G2E3: variants seen among roughly 807,000 people sequenced by gnomAD.
The protein encoded by G2E3 is G2/M-phase specific E3 ubiquitin protein ligase, also known as G2/M phase-specific E3 ubiquitin-protein ligase.
G2E3 carries 35 observed loss-of-function variants against 92.8 expected under a neutral mutation model. The observed-to-expected ratio is 0.38, with a 90% CI of 0.29 to 0.50. The LOEUF is 0.50. G2E3 is among the 20% of genes least tolerant of loss of function. G2E3 has a pLI of 0.94. For synonymous variants in G2E3, 242 were observed against 272.4 expected (o/e 0.89, Z 1.10); for missense variants, 554 against 823.8 (o/e 0.67, Z 4.01).
At chr14:30,607,859 A>T in intron 11 of G2E3, 29 bp from the exon 12 acceptor site, 1 of 1,237,154 alleles carries the variant, frequency 8.1e-7, no homozygotes, top group Non-Finnish European at 1.2e-6. Context: ...ATAGAAGTGT[A>T]TTTGATATAT....
intron 1 of G2E3, among the ~76,000 whole-genome samples, chr14:30,563,048 C>T (rs1412252539): frequency 6.6e-6 from 1 of 151,944 alleles, no homozygotes; most frequent in East Asian, 1.9e-4. Flanking sequence ...GCCCAGCTGT[C>T]TTTTCTTTTA....
intron 1 of G2E3, among the ~76,000 whole-genome samples, chr14:30,564,455 C>T (rs1374447994): frequency 6.6e-6 from 1 of 152,160 alleles, no homozygotes; most frequent in African/African-American, 2.4e-5. Context: ...ACCTCAGCTT[C>T]CCAGGCAGCT....
intron 1 of G2E3, among the ~76,000 whole-genome samples, chr14:30,562,423 G>A (rs1031763667): frequency 6.6e-6 from 1 of 152,176 alleles, no homozygotes; most frequent in African/African-American, 2.4e-5. Context: ...AGTGAGAAGT[G>A]ACCAGAAGAC....
At chr14:30,595,139 A>T (rs1403432883) in intron 6 of G2E3, among the ~76,000 whole-genome samples, 1 of 151,846 alleles carries the variant, frequency 6.6e-6, no homozygotes, top group African/African-American at 2.4e-5. Flanking sequence ...TTCTGTCTTT[A>T]AAAAAAATGC....
Position 30,598,602 on chromosome 14 carries a change from A to G in G2E3, c.752+3A>G. ...CGAGACTATAATGCACCTGATAGGT[A>G]TTTCTGAAAGTTCAGTTGTGCTTAG... On this transcript the variant is annotated splice_donor_region_variant and intron_variant, in intron 8 of 14. Transcript: ENST00000206595. 1 of 1,566,636 alleles carries G rather than the reference A, an allele frequency of 6.4e-7. No homozygotes were observed. The highest frequency in any genetic ancestry group is 8.8e-7 in the Non-Finnish European group (1 of 1,136,678).
intron 2 of G2E3, among the ~76,000 whole-genome samples, chr14:30,583,459 T>G (rs1880540722): frequency 6.6e-6 from 1 of 152,100 alleles, no homozygotes; most frequent in African/African-American, 2.4e-5. Context: ...CTCCCTTATG[T>G]GTGGAATATA....
chr14:30,562,312 T>A (rs189351440), intron 1 of G2E3, among the ~76,000 whole-genome samples: 1 of 152,212 alleles, frequency 6.6e-6, no homozygotes, highest in East Asian at 1.9e-4. Flanking sequence ...AATCATTAGT[T>A]TGTAGCAATT....
At chr14:30,569,796 A>T (rs1407615178) in intron 1 of G2E3, among the ~76,000 whole-genome samples, 21 of 152,142 alleles carry the variant, frequency 1.4e-4, no homozygotes, top group Admixed American at 1.4e-3. Context: ...AGATTTATAT[A>T]ATCCAACCAA....
rs560630988 is a variant in G2E3, at chr14:30,566,295, T to G, written c.-5+7023T>G. Reference sequence around the variant, plus strand: ...TTCCTGCAAAAAAAGGCCATCGGGATTTTGACAGGAATTGTATCAAATCCA... The same window carrying G: ...TTCCTGCAAAAAAAGGCCATCGGGAGTTTGACAGGAATTGTATCAAATCCA... On this transcript the variant is annotated intron_variant, in intron 1 of 14. Coordinates refer to ENST00000206595, the MANE Select transcript of G2E3 (RefSeq NM_017769.5). 3.9e-5 allele frequency among the ~76,000 whole-genome samples: 6 copies of G among 152,296 alleles called. No homozygotes were observed. In the South Asian group the frequency reaches 1.2e-3, roughly 32 times the overall value.
Position 30,586,796 on chromosome 14 carries a change from C to A in G2E3, c.116C>A (p.Thr39Asn). The A allele has an allele frequency of 1.6e-6, 2 of 1,244,658 alleles. No homozygotes were observed. Among genetic ancestry groups the A allele is most frequent in the South Asian group, 1.5e-5 (1 of 67,636 alleles). The allele number at this position is 1,244,658 out of a possible 1,614,324, so 77.1% of individuals were successfully genotyped here. A position where few individuals can be genotyped will look rare whatever the true frequency, so the allele number is the denominator to read the frequency against. The part of the protein sequence containing the change: ...EKKTKEKWNL[T>N]VHYYCLLMSS... ...AAAACTAAGGAGAAATGGAATCTCA[C>A]TGTACATTACTACTGTTTGGTGAGT... The change falls in exon 3 of 15, where the codon ACT becomes AAT. Residue 39 changes from threonine to asparagine, a missense_variant. This residue lies in a region of G2E3 where 137 missense variants were observed against 201.3 expected (regional missense o/e 0.68). Coordinates refer to ENST00000206595, the MANE Select transcript of G2E3 (RefSeq NM_017769.5).
chr14:30,569,024 G>A (rs1879603094), intron 1 of G2E3, among the ~76,000 whole-genome samples: 1 of 152,074 alleles, frequency 6.6e-6, no homozygotes, highest in Admixed American at 6.6e-5. Flanking sequence ...AGCCATTCTT[G>A]TCTGTCTCCT....
At chr14:30,586,858 A>T in intron 3 of G2E3, 43 bp downstream of exon 3, 2 of 641,054 alleles carry the variant, frequency 3.1e-6, no homozygotes, top group Non-Finnish European at 5.2e-6. Flanking sequence ...TTGGTGTTCT[A>T]AAGAAGATAG....
At chr14:30,602,351 ACGTGGG>A (rs1401816749) in intron 10 of G2E3, among the ~76,000 whole-genome samples, 1 of 46,378 alleles carries the variant, frequency 2.2e-5, no homozygotes, top group African/African-American at 5.1e-4. Flanking sequence ...ACTGCATCAT[ACGTGGG>A]AAAAGTGTAT....
chr14:30,589,955 G>C (rs1237611779), intron 4 of G2E3, among the ~76,000 whole-genome samples: 1 of 152,004 alleles, frequency 6.6e-6, no homozygotes, highest in East Asian at 1.9e-4. Context: ...CATATCTCCT[G>C]ACCCTTCTCT....
intron 1 of G2E3, among the ~76,000 whole-genome samples, chr14:30,566,887 C>T (rs1358851731): frequency 6.6e-6 from 1 of 152,140 alleles, no homozygotes; most frequent in East Asian, 1.9e-4. Context: ...GTGTTTTTAT[C>T]ATCAATGAGT....
chr14:30,612,163 A>G (rs759287819), intron 12 of G2E3, 44 bp from the exon 13 acceptor site: 11 of 1,427,896 alleles, frequency 7.7e-6, no homozygotes, highest in Non-Finnish European at 9.8e-6. Context: ...CATGTCACTC[A>G]AAAGTAAATG....
intron 1 of G2E3, among the ~76,000 whole-genome samples, chr14:30,579,433 A>C (rs902177389): frequency 3.3e-5 from 5 of 152,206 alleles, no homozygotes; most frequent in African/African-American, 1.2e-4. Context: ...AAAGCACAGA[A>C]ATATATATGA....
At chr14:30,599,868 T>C (rs1314324025) in intron 8 of G2E3, among the ~76,000 whole-genome samples, 1 of 152,200 alleles carries the variant, frequency 6.6e-6, no homozygotes, top group Admixed American at 6.5e-5. Flanking sequence ...GAGGGTAATT[T>C]AACTAGATTC....
intron 4 of G2E3, among the ~76,000 whole-genome samples, chr14:30,591,195 G>A (rs1880992804): frequency 6.6e-6 from 1 of 152,100 alleles, no homozygotes; most frequent in Admixed American, 6.6e-5. Context: ...AGTTCATTGG[G>A]AGAGTTTCGG....
Sources: gnomAD v4.1 joint callset for allele counts (sites outside exome capture counted in the v4.1 genomes callset) on GRCh38, gnomAD v4.1.1 for gene constraint, gnomAD v4.1.1 regional missense constraint, MANE v1.5 for transcripts, NCBI Gene and HGNC (gene_info 2026-07-23, HGNC 2026-07-21) for gene names.